FAM83D: variants seen among roughly 807,000 people sequenced by gnomAD.
FAM83D encodes the protein protein FAM83D.
A neutral mutation model predicts 25.4 loss-of-function variants in FAM83D; 26 were observed. The ratio of observed to expected loss-of-function variants is 1.02; its 90% CI spans 0.75 to 1.42. FAM83D has a LOEUF of 1.42. Among genes scored for constraint, FAM83D ranks in the 40% most tolerant of loss-of-function variants. The probability of loss-of-function intolerance (pLI) is 0.00; values close to 1 mark genes in which losing one functional copy is unlikely to be tolerated. For missense variants in FAM83D, 740 were observed against 758.1 expected, an observed-to-expected ratio of 0.98 and a Z score of 0.28; for synonymous variants, 310 against 318.5, an observed-to-expected ratio of 0.97 and a Z score of 0.28.
rs59777567 is a variant in FAM83D, at chr20:38,928,905, A to T, written c.483+1980A>T. On this transcript the variant is annotated intron_variant, in intron 1 of 3. Coordinates refer to ENST00000619850, the MANE Select transcript of FAM83D (RefSeq NM_030919.3). ...TAAATCCAATGAGTATTGGCTGGGC[A>T]CAGTGGCTCAAGCCTGTAATCCCAG... Among the ~76,000 whole-genome samples the T allele has an allele frequency of 3.1e-3, 464 of 152,100 alleles. 4 individuals carry two copies. Among genetic ancestry groups the T allele is most frequent in the African/African-American group, 0.011 (443 of 41,476 alleles).
chr20:38,935,725 T>A (rs1212209734), intron 1 of FAM83D, among the ~76,000 whole-genome samples: 2 of 152,206 alleles, frequency 1.3e-5, no homozygotes, highest in Non-Finnish European at 2.9e-5. Flanking sequence ...GGATTACAGA[T>A]GTGAGCCACC....
intron 1 of FAM83D, among the ~76,000 whole-genome samples, chr20:38,928,343 G>A (rs2145798404): frequency 6.6e-6 from 1 of 152,358 alleles, no homozygotes; most frequent in Admixed American, 6.5e-5. Context: ...TGGGGTTTCA[G>A]TGGTAGTGGA....
chr20:38,937,341 G>T (rs553461785), intron 1 of FAM83D, among the ~76,000 whole-genome samples: 1 of 146,746 alleles, frequency 6.8e-6, no homozygotes, highest in Non-Finnish European at 1.5e-5. Context: ...ATTGTCCTTC[G>T]CACATTATTG....
At chr20:38,950,820 T>G (rs1178203755) in intron 3 of FAM83D, among the ~76,000 whole-genome samples, 2 of 152,058 alleles carry the variant, frequency 1.3e-5, no homozygotes, top group South Asian at 4.2e-4. Context: ...TTTAATTAAT[T>G]TTTTGAGATG....
At chr20:38,930,686 G>T (rs56660421) in intron 1 of FAM83D, among the ~76,000 whole-genome samples, 54,886 of 150,178 alleles carry the variant, frequency 0.37, 10,537 homozygotes, top group Middle Eastern at 0.52. Context: ...TTGCTCTTTT[G>T]GCCCAGGCTG....
Position 38,951,526 on chromosome 20 carries a change from T to C in FAM83D, c.777-13T>C, listed in dbSNP as rs1452550977. 1.2e-6 allele frequency: 2 copies of C among 1,601,384 alleles called. No homozygotes were observed. Among genetic ancestry groups the C allele is most frequent in the Admixed American group, 3.4e-5 (2 of 58,226 alleles). Reference sequence around the variant, plus strand: ...CCTTACCAGCTGCTGTTTGTTTCTTTTTAATCTTTAAGTTTTACATGGACG... The same window carrying C: ...CCTTACCAGCTGCTGTTTGTTTCTTCTTAATCTTTAAGTTTTACATGGACG... On this transcript the variant is annotated splice_polypyrimidine_tract_variant and intron_variant, in intron 3 of 3. Transcript: ENST00000619850.
At position 38,926,841 on chromosome 20, in the gene FAM83D, G is replaced by A; in HGVS notation, c.399G>A (p.Thr133=). The A allele has an allele frequency of 6.5e-7, 1 of 1,531,678 alleles. No homozygotes were observed. Among genetic ancestry groups the A allele is most frequent in the Non-Finnish European group, 8.7e-7 (1 of 1,144,452 alleles). 94.9% of individuals were successfully genotyped at this position (1,531,678 alleles called of 1,614,324 possible). A position where few individuals can be genotyped will look rare whatever the true frequency, so the allele number is the denominator to read the frequency against. Residue 133 remains threonine, a synonymous_variant, in exon 1 of 4, where the codon ACG becomes ACA. Transcript: ENST00000619850. ...ACCGCGGCGCCACGCGTGTCGAGAC[G>A]CACTTCCAGCCCCGCGGCGCTGGCG... ...GAYRGATRVE[T]HFQPRGAGEG... is the part of the protein sequence containing the mutation.
Position 38,951,859 on chromosome 20 carries a change from C to T in FAM83D, c.1097C>T (p.Ser366Phe). The T allele has an allele frequency of 1.2e-6, 2 of 1,614,200 alleles. No individual in the cohort carries two copies. The highest frequency in any genetic ancestry group is 1.7e-6 in the Non-Finnish European group (2 of 1,180,036). The change falls in exon 4 of 4, where the codon TCT becomes TTT. Residue 366 changes from serine to phenylalanine, a missense_variant. Physicochemically the swap from Ser to Phe is radical, Grantham distance 155. This residue lies in a region of FAM83D where 375 missense variants were observed against 403.2 expected (regional missense o/e 0.93). Coordinates refer to ENST00000619850, the MANE Select transcript of FAM83D (RefSeq NM_030919.3). ...CGCAAGCCCCATGACTGTGAGTCCT[C>T]TACTGTTAGTGAGGAAGACTACTTC... ...AERKPHDCES[S>F]TVSEEDYFSS...
rs370045194 is a variant in FAM83D at position 38,951,760 on chromosome 20, G to A, written c.998G>A (p.Arg333Gln). 55 of 1,614,042 alleles carry A rather than the reference G, an allele frequency of 3.4e-5. No homozygotes were observed. Among genetic ancestry groups the A allele is most frequent in the Non-Finnish European group, 4.4e-5 (52 of 1,180,036 alleles). ...ACCCTGGGCAACCTGCTGCGGATGC[G>A]GCTGGCTAGGCTGTCAAGTACTCCC... ...ELTLGNLLRM[R>Q]LARLSSTPRK... Residue 333 changes from arginine to glutamine, a missense_variant, in exon 4 of 4, where the codon CGG (arginine) becomes CAG (glutamine). Physicochemically the swap from Arg to Gln is conservative, Grantham distance 43. Around this residue, in one of 3 missense-constraint regions of FAM83D, gnomAD observed 375 missense variants for 403.2 expected, o/e 0.93. Transcript: ENST00000619850.
At chr20:38,944,464 T>G (rs1378010041) in intron 2 of FAM83D, among the ~76,000 whole-genome samples, 1 of 152,238 alleles carries the variant, frequency 6.6e-6, no homozygotes, top group Non-Finnish European at 1.5e-5. Flanking sequence ...CAAGGTACTC[T>G]TTCTATAATT....
intron 1 of FAM83D, among the ~76,000 whole-genome samples, chr20:38,940,350 A>T (rs1288286652): frequency 6.6e-6 from 1 of 152,136 alleles, no homozygotes; most frequent in Admixed American, 6.6e-5. Context: ...TTGGAGAAAG[A>T]CAGCCAAATT....
chr20:38,926,484 C>T lies in FAM83D; in HGVS notation c.42C>T (p.Ala14=), dbSNP rs1397625372. ...AGGGCCTGGACGAGGTGCCCGCCGC[C>T]TGCCTGTCGCCGTGCGGGCCGCCCA... ...LSEGLDEVPA[A]CLSPCGPPNP... The change falls in exon 1 of 4, where the codon GCC becomes GCT. Residue 14 remains alanine (A), a synonymous_variant. Transcript: ENST00000619850. 7 of 1,597,276 alleles carry T rather than the reference C, an allele frequency of 4.4e-6. No homozygotes were observed. In the South Asian group the frequency reaches 4.4e-5, roughly 10 times the overall value.
At chr20:38,949,497 C>T (rs1043003094) in intron 3 of FAM83D, among the ~76,000 whole-genome samples, 1 of 152,166 alleles carries the variant, frequency 6.6e-6, no homozygotes, top group Non-Finnish European at 1.5e-5. Context: ...TCTTCCTTCT[C>T]AGGCTTTGAA....
At chr20:38,931,148 A>G (rs1285544730) in intron 1 of FAM83D, among the ~76,000 whole-genome samples, 2 of 152,258 alleles carry the variant, frequency 1.3e-5, no homozygotes, top group African/African-American at 4.8e-5. Flanking sequence ...GTAGTTTTCA[A>G]CAGGCTGAAG....
Position 38,951,838 on chromosome 20 carries a change from A to G in FAM83D, c.1076A>G (p.Lys359Arg), listed in dbSNP as rs759420092. 2 of 1,614,224 alleles carry G rather than the reference A, an allele frequency of 1.2e-6. No homozygotes were observed. Among genetic ancestry groups the G allele is most frequent in the Non-Finnish European group, 1.7e-6 (2 of 1,180,036 alleles). ...EMPAEGKAER[K>R]PHDCESSTVS... ...CCCGCAGAGGGCAAGGCAGAGCGCAAGCCCCATGACTGTGAGTCCTCTACT... is the reference window on the plus strand; with the variant it reads ...CCCGCAGAGGGCAAGGCAGAGCGCAGGCCCCATGACTGTGAGTCCTCTACT... The change falls in exon 4 of 4, where the codon AAG becomes AGG. Residue 359 changes from lysine to arginine, a missense_variant. Lys to Arg is a conservative substitution (Grantham distance 26). Transcript: ENST00000619850.
intron 1 of FAM83D, 136 bp downstream of exon 1, chr20:38,927,061 C>G (rs948294100): frequency 8.6e-5 from 118 of 1,364,382 alleles, no homozygotes; most frequent in Non-Finnish European, 1.0e-4. Flanking sequence ...CTAGGTGGTC[C>G]CAGGGTCTCC....
Position 38,926,667 on chromosome 20 carries a change from G to T in FAM83D, c.225G>T (p.Pro75=). 6.5e-7 allele frequency: 1 copy of T among 1,529,714 alleles called. No individual in the cohort carries two copies. The highest frequency in any genetic ancestry group is 2.5e-5 in the East Asian group (1 of 40,242). The allele number at this position is 1,529,714 out of a possible 1,614,324, so 94.8% of individuals were successfully genotyped here. ...VHAILRAAER[P]GEEGAAAAAA... ...CCATTCTGCGCGCGGCGGAGAGGCC[G>T]GGAGAGGAGGGCGCGGCGGCGGCGG... Residue 75 remains proline, a synonymous_variant, in exon 1 of 4, where the codon CCG becomes CCT. Transcript: ENST00000619850.
At chr20:38,934,822 A>G (rs988526029) in intron 1 of FAM83D, among the ~76,000 whole-genome samples, 2 of 152,188 alleles carry the variant, frequency 1.3e-5, no homozygotes, top group African/African-American at 4.8e-5. Flanking sequence ...TGCGGTATCT[A>G]GAATGGTACT....
At chr20:38,947,105 C>T (rs1024736090) in intron 2 of FAM83D, among the ~76,000 whole-genome samples, 25 of 152,214 alleles carry the variant, frequency 1.6e-4, no homozygotes, top group African/African-American at 4.3e-4. Flanking sequence ...AGATTTCTAA[C>T]GATATAGAGC....
Sources: gnomAD v4.1 joint callset for allele counts (sites outside exome capture counted in the v4.1 genomes callset) on GRCh38, gnomAD v4.1.1 for gene constraint, gnomAD v4.1.1 regional missense constraint, MANE v1.5 for transcripts, NCBI Gene and HGNC (gene_info 2026-07-23, HGNC 2026-07-21) for gene names.